Variants in PCDHB16 observed in about 807,000 individuals in gnomAD.
PCDHB16 encodes the protein protocadherin beta-16.
For synonymous variants in PCDHB16, 444 were observed against 436.5 expected (o/e 1.02, Z -0.21); for missense variants, 1,026 against 989.9 (o/e 1.04, Z -0.49).
chr5:141,185,051 G>C lies in PCDHB16; in HGVS notation c.*161G>C. 3 of 1,442,464 alleles carry C rather than the reference G, an allele frequency of 2.1e-6. No homozygotes were observed. The highest frequency in any genetic ancestry group is 1.8e-6 in the Non-Finnish European group (2 of 1,096,572). The allele number at this position is 1,442,464 out of a possible 1,614,324, so 89.4% of individuals were successfully genotyped here. On this transcript the variant is annotated 3_prime_UTR_variant, in exon 1 of 1. Coordinates refer to ENST00000609684, the MANE Select transcript of PCDHB16 (RefSeq NM_020957.4). ...ACCAATAAGGTATTTTTCTCTGATT[G>C]TTAGTTCAAATTATATTGTTAATTC... is the stretch of plus-strand genomic sequence containing the variant.
rs1563933845 is a variant in PCDHB16, at chr5:141,183,179, A to T, written c.620A>T (p.Gln207Leu). 6.2e-7 allele frequency: 1 copy of T among 1,614,214 alleles called. No individual in the cohort carries two copies. The highest frequency in any genetic ancestry group is 8.5e-7 in the Non-Finnish European group (1 of 1,180,038). ...GAGCTGGATCGGGAGGAGGAGCCTC[A>T]ACTAAGATTAACCCTGACAGCGCTG... Reference protein sequence around the residue: ...DKELDREEEPQLRLTLTALDG... With the variant: ...DKELDREEEPLLRLTLTALDG... Residue 207 changes from glutamine (Q) to leucine (L), a missense_variant, in exon 1 of 1, where the codon CAA (glutamine) becomes CTA (leucine). By Grantham distance (113) the Gln-to-Leu change is moderately radical. Transcript: ENST00000609684.
rs782203418 is a variant in PCDHB16 at position 141,183,774 on chromosome 5, G to C, written c.1215G>C (p.Thr405=). 6 of 1,614,136 alleles carry C rather than the reference G, an allele frequency of 3.7e-6. No homozygotes were observed. The highest frequency in any genetic ancestry group is 4.2e-6 in the Non-Finnish European group (5 of 1,180,022). The part of the protein sequence containing the change: ...PSVKNFYTLV[T]ERALDREARA... ...TCAAGAACTTTTACACCTTGGTAAC[G>C]GAGAGAGCACTCGACAGAGAAGCAA... Residue 405 remains threonine (T), a synonymous_variant, in exon 1 of 1, where the codon ACG becomes ACC. Coordinates refer to ENST00000609684, the MANE Select transcript of PCDHB16 (RefSeq NM_020957.4).
rs1251462698 is a variant in PCDHB16, at chr5:141,185,398, C to T, written c.*508C>T. ...TTCTTAAAGTTTCTTTCTTTCTTTT[C>T]TTTTCTTTCTTTTTTTTTTTTTCCT... On this transcript the variant is annotated 3_prime_UTR_variant, in exon 1 of 1. Coordinates refer to ENST00000609684, the MANE Select transcript of PCDHB16 (RefSeq NM_020957.4). The T allele has an allele frequency of 1.4e-4, 103 of 746,710 alleles. No individual in the cohort carries two copies. Among genetic ancestry groups the T allele is most frequent in the Non-Finnish European group, 1.6e-4 (95 of 609,118 alleles). 46.3% of individuals were successfully genotyped at this position (746,710 alleles called of 1,614,324 possible).
Position 141,183,174 on chromosome 5 carries a change from G to A in PCDHB16, c.615G>A (p.Glu205=). The A allele has an allele frequency of 5.0e-6, 8 of 1,614,182 alleles. No homozygotes were observed. The South Asian group carries it at 7.7e-5, about 16-fold the overall frequency. The change falls in exon 1 of 1, where the codon GAG becomes GAA. Residue 205 remains glutamate (E), a synonymous_variant. Coordinates refer to ENST00000609684, the MANE Select transcript of PCDHB16 (RefSeq NM_020957.4). ...ATAAAGAGCTGGATCGGGAGGAGGA[G>A]CCTCAACTAAGATTAACCCTGACAG... ...VLDKELDREE[E]PQLRLTLTAL...
At position 141,184,892 on chromosome 5, in the gene PCDHB16, G is replaced by C. The variant is rs782522388; in HGVS notation, c.*2G>C. The C allele has an allele frequency of 6.2e-7, 1 of 1,613,504 alleles. No individual in the cohort carries two copies. The highest frequency in any genetic ancestry group is 1.7e-5 in the Admixed American group (1 of 59,938). ...ATTATCCCCAACTTCTCTCCTTAGG[G>C]CACTAGGAAAGAAATAGATTAAAAT... On this transcript the variant is annotated 3_prime_UTR_variant, in exon 1 of 1. Transcript: ENST00000609684.
chr5:141,182,949 T>C lies in PCDHB16; in HGVS notation c.390T>C (p.Ser130=), dbSNP rs782339997. Residue 130 remains serine (S), a synonymous_variant, in exon 1 of 1, where the codon TCT becomes TCC. Transcript: ENST00000609684. ...ELRVIDINDH[S]PMFTEKEMIL... Reference sequence around the variant, plus strand: ...GGGTGATAGATATAAATGACCATTCTCCCATGTTCACTGAAAAGGAAATGA... The same window carrying C: ...GGGTGATAGATATAAATGACCATTCCCCCATGTTCACTGAAAAGGAAATGA... 6.2e-7 allele frequency: 1 copy of C among 1,613,976 alleles called. No homozygotes were observed. Among genetic ancestry groups the C allele is most frequent in the African/African-American group, 1.3e-5 (1 of 74,926 alleles).
rs17096969 is a variant in PCDHB16 at position 141,182,832 on chromosome 5, T to G, written c.273T>G (p.Asp91Glu). 7.5e-4 allele frequency: 1,206 copies of G among 1,614,086 alleles called. 10 individuals are homozygous for G. The African/African-American group carries it at 0.015, about 20-fold the overall frequency. ...ATTTGCTCATAAATGAGAAGCTAGA[T>G]CGAGAGGAGCTATGCGGTCCCACTG... ...TGDLLINEKL[D>E]REELCGPTEP... Residue 91 changes from aspartate to glutamate, a missense_variant, in exon 1 of 1, where the codon GAT becomes GAG. Physicochemically the swap from Asp to Glu is conservative, Grantham distance 45 (BLOSUM62 2). Coordinates refer to ENST00000609684, the MANE Select transcript of PCDHB16 (RefSeq NM_020957.4).
At position 141,182,391 on chromosome 5, in the gene PCDHB16, C is replaced by T. The variant is rs1193453468; in HGVS notation, c.-169C>T. On this transcript the variant is annotated 5_prime_UTR_variant, in exon 1 of 1. Coordinates refer to ENST00000609684, the MANE Select transcript of PCDHB16 (RefSeq NM_020957.4). ...AGCTCCAGGATCCAGCAAACCGTTT[C>T]CCAAAGCCTGGAAGCAGAAGAATAG... 5 of 540,516 alleles carry T rather than the reference C, an allele frequency of 9.3e-6. No individual in the cohort carries two copies. Among genetic ancestry groups the T allele is most frequent in the African/African-American group, 7.7e-5 (4 of 52,262 alleles). 33.5% of individuals were successfully genotyped at this position (540,516 alleles called of 1,614,324 possible).
Position 141,184,582 on chromosome 5 carries a change from G to C in PCDHB16, c.2023G>C (p.Glu675Gln). Residue 675 changes from glutamate (E) to glutamine (Q), a missense_variant, in exon 1 of 1, where the codon GAG (glutamate) becomes CAG (glutamine). Physicochemically the swap from Glu to Gln is conservative, Grantham distance 29. Coordinates refer to ENST00000609684, the MANE Select transcript of PCDHB16 (RefSeq NM_020957.4). ...CTCCCAGCCCTTCCTGCCGCTCCCA[G>C]AGGCGGCCCCCGGCCAGACCCAGGC... ...GFSQPFLPLP[E>Q]AAPGQTQANS... is the part of the protein sequence containing the mutation. 1 of 1,612,440 alleles carries C rather than the reference G, an allele frequency of 6.2e-7. No homozygotes were observed. Among genetic ancestry groups the C allele is most frequent in the South Asian group, 1.1e-5 (1 of 91,050 alleles).
chr5:141,183,715 C>G lies in PCDHB16; in HGVS notation c.1156C>G (p.Gln386Glu), dbSNP rs782379406. Residue 386 changes from glutamine (Q) to glutamate (E), a missense_variant, in exon 1 of 1, where the codon CAG becomes GAG. Coordinates refer to ENST00000609684, the MANE Select transcript of PCDHB16 (RefSeq NM_020957.4). ...CAATGGGAAGACGATTTCCTCCATC[C>G]AGGAAGACCTTCCCTTTCTTCTAAA... is the stretch of plus-strand genomic sequence containing the variant. Reference protein sequence around the residue: ...GNNGKTISSIQEDLPFLLKPS... With the variant: ...GNNGKTISSIEEDLPFLLKPS... The G allele has an allele frequency of 6.2e-7, 1 of 1,614,168 alleles. No homozygotes were observed. Among genetic ancestry groups the G allele is most frequent in the South Asian group, 1.1e-5 (1 of 91,080 alleles).
At position 141,183,843 on chromosome 5, in the gene PCDHB16, T is replaced by C. The variant is rs1554282227; in HGVS notation, c.1284T>C (p.Thr428=). Residue 428 remains threonine (T), a synonymous_variant, in exon 1 of 1, where the codon ACT becomes ACC. Coordinates refer to ENST00000609684, the MANE Select transcript of PCDHB16 (RefSeq NM_020957.4). ...CCCTCACCGTCACAGATATGGGGAC[T>C]CCAAGGCTGAAAACGGAGCACAACA... ...NITLTVTDMG[T]PRLKTEHNIT... 2 of 1,614,210 alleles carry C rather than the reference T, an allele frequency of 1.2e-6. No homozygotes were observed. The highest frequency in any genetic ancestry group is 1.7e-6 in the Non-Finnish European group (2 of 1,180,040).
chr5:141,183,094 CG>C lies in PCDHB16; in HGVS notation c.538del (p.Val180PhefsTer2). On this transcript the variant is annotated frameshift_variant, in exon 1 of 1. Transcript: ENST00000609684. LOFTEE classifies it low-confidence loss of function (END_TRUNC). ...NYKISPSSHF[R>X]VLIHEFRDGR... ...TAAAATCAGCCCAAGCTCTCATTTCCGGGTTCTAATCCATGAATTCAGAGAT... is the reference window on the plus strand; with the variant it reads ...TAAAATCAGCCCAAGCTCTCATTTCCGGTTCTAATCCATGAATTCAGAGAT... The C allele has an allele frequency of 6.2e-7, 1 of 1,614,176 alleles. No homozygotes were observed. The highest frequency in any genetic ancestry group is 8.5e-7 in the Non-Finnish European group (1 of 1,180,038).
chr5:141,183,366 A>T lies in PCDHB16; in HGVS notation c.807A>T (p.Leu269Phe). 1 of 1,614,206 alleles carries T rather than the reference A, an allele frequency of 6.2e-7. No homozygotes were observed. Residue 269 changes from leucine to phenylalanine, a missense_variant, in exon 1 of 1, where the codon TTA becomes TTT. Leu to Phe is a conservative substitution (Grantham distance 22). Transcript: ENST00000609684. ...TTGCCACCGTCTCCGCCAGGGATTT[A>T]GACGGCGGAGCCAATGGAAAAATAT... ...SLVATVSARD[L>F]DGGANGKISY...
In PCDHB16 at chr5:141,184,721, C is replaced by G. The variant is rs1554282458; in HGVS notation, c.2162C>G (p.Ser721Trp). 6.2e-7 allele frequency: 1 copy of G among 1,613,988 alleles called. No homozygotes were observed. Among genetic ancestry groups the G allele is most frequent in the Non-Finnish European group, 8.5e-7 (1 of 1,180,024 alleles). ...CTGTGCAGGAGGAGCAGGGCGGCCT[C>G]GGTGGGCCGCTGCTCGATGCCTGAG... ...VRLCRRSRAASVGRCSMPEGP... is the reference protein window; with the variant it reads ...VRLCRRSRAAWVGRCSMPEGP... The change falls in exon 1 of 1, where the codon TCG becomes TGG. Residue 721 changes from serine (S) to tryptophan (W), a missense_variant. Transcript: ENST00000609684.
In PCDHB16 at chr5:141,185,390, T is replaced by C; in HGVS notation, c.*500T>C. 1 of 774,706 alleles carries C rather than the reference T, an allele frequency of 1.3e-6. No homozygotes were observed. The highest frequency in any genetic ancestry group is 1.6e-6 in the Non-Finnish European group (1 of 630,040). 48.0% of individuals were successfully genotyped at this position (774,706 alleles called of 1,614,324 possible). On this transcript the variant is annotated 3_prime_UTR_variant, in exon 1 of 1. Coordinates refer to ENST00000609684, the MANE Select transcript of PCDHB16 (RefSeq NM_020957.4). ...TAATACTTTTCTTAAAGTTTCTTTC[T>C]TTCTTTTCTTTTCTTTCTTTTTTTT...
At position 141,183,902 on chromosome 5, in the gene PCDHB16, C is replaced by T. The variant is rs1753638926; in HGVS notation, c.1343C>T (p.Ala448Val). 1.2e-6 allele frequency: 2 copies of T among 1,614,130 alleles called. No individual in the cohort carries two copies. The highest frequency in any genetic ancestry group is 1.3e-5 in the African/African-American group (1 of 75,042). The change falls in exon 1 of 1, where the codon GCC (alanine) becomes GTC (valine). Residue 448 changes from alanine to valine, a missense_variant. Ala to Val is a moderately conservative substitution (Grantham distance 64). Transcript: ENST00000609684. ...TVQISDVNDN[A>V]PTFTQTSYTL... ...CAGATATCAGATGTCAATGATAACG[C>T]CCCCACTTTCACCCAAACCTCCTAC...
chr5:141,184,961 C>G lies in PCDHB16; in HGVS notation c.*71C>G. 1 of 1,548,882 alleles carries G rather than the reference C, an allele frequency of 6.5e-7. No homozygotes were observed. The highest frequency in any genetic ancestry group is 1.4e-5 in the African/African-American group (1 of 72,580). ...TTTGGATTTAATTATTGATAGGAAC[C>G]CATTTGATAAATTCCTTAACTTCTT... On this transcript the variant is annotated 3_prime_UTR_variant, in exon 1 of 1. Transcript: ENST00000609684.
chr5:141,184,786 G>C lies in PCDHB16; in HGVS notation c.2227G>C (p.Gly743Arg). ...PGRLVDVSGT[G>R]TLSQSYQYEV... ...GCGTCTGGTGGACGTAAGCGGCACC[G>C]GGACCCTGTCCCAGAGCTACCAATA... Residue 743 changes from glycine to arginine, a missense_variant, in exon 1 of 1, where the codon GGG becomes CGG. Coordinates refer to ENST00000609684, the MANE Select transcript of PCDHB16 (RefSeq NM_020957.4). The C allele has an allele frequency of 6.2e-7, 1 of 1,614,228 alleles. No individual in the cohort carries two copies. The highest frequency in any genetic ancestry group is 8.5e-7 in the Non-Finnish European group (1 of 1,180,048).
Position 141,183,855 on chromosome 5 carries a change from A to G in PCDHB16, c.1296A>G (p.Lys432=), listed in dbSNP as rs1554282229. 2 of 1,614,196 alleles carry G rather than the reference A, an allele frequency of 1.2e-6. No individual in the cohort carries two copies. Among genetic ancestry groups the G allele is most frequent in the African/African-American group, 2.7e-5 (2 of 75,050 alleles). The change falls in exon 1 of 1, where the codon AAA becomes AAG. Residue 432 remains lysine (K), a synonymous_variant. Coordinates refer to ENST00000609684, the MANE Select transcript of PCDHB16 (RefSeq NM_020957.4). ...CAGATATGGGGACTCCAAGGCTGAA[A>G]ACGGAGCACAACATAACAGTGCAGA... ...TVTDMGTPRL[K]TEHNITVQIS...
Sources: gnomAD v4.1 joint callset for allele counts on GRCh38, gnomAD v4.1.1 for gene constraint, MANE v1.5 for transcripts, NCBI Gene and HGNC (gene_info 2026-07-23, HGNC 2026-07-21) for gene names.